JSRP1: variants seen among roughly 807,000 people sequenced by gnomAD.
The protein encoded by JSRP1 is 2310032K21Rik.
In JSRP1, 29 loss-of-function variants were observed where a neutral mutation model predicts 21.4. That is an observed-to-expected ratio of 1.36 (90% CI 1.01 to 1.85). The LOEUF (loss-of-function observed/expected upper bound fraction) is 1.85, where lower values mean the gene tolerates loss of function less well. Among genes scored for constraint, JSRP1 ranks in the 40% most tolerant of loss-of-function variants. JSRP1 has a pLI of 0.00. For missense variants in JSRP1, 531 were observed against 461.5 expected (o/e 1.15, Z -1.38); for synonymous variants, 221 against 206.1 (o/e 1.07, Z -0.62).
rs2025078072 is a variant in JSRP1 at position 2,252,748 on chromosome 19, C to T, written c.577G>A (p.Ala193Thr). 2 of 1,612,598 alleles carry T rather than the reference C, an allele frequency of 1.2e-6. No individual in the cohort carries two copies. Among genetic ancestry groups the T allele is most frequent in the South Asian group, 1.1e-5 (1 of 91,070 alleles). Residue 193 changes from alanine (A) to threonine (T), a missense_variant, in exon 7 of 7, where the codon GCC (alanine) becomes ACC (threonine). Ala to Thr is a moderately conservative substitution (Grantham distance 58). Coordinates refer to ENST00000300961, the MANE Select transcript of JSRP1 (RefSeq NM_144616.4). ...ATCTTGGGTCTGACCTCTGCCTCGG[C>T]CCGGGGCGCAGGCGGCGCTGATGGA... Reference protein sequence around the residue: ...APPSAPPAPRAEAEVRPKIPG... With the variant: ...APPSAPPAPRTEAEVRPKIPG...
At chr19:2,253,560 G>A in intron 5 of JSRP1, 60 bp downstream of exon 5, 1 of 1,367,032 alleles carries the variant, frequency 7.3e-7, no homozygotes, top group African/African-American at 1.5e-5. Context: ...CCTTTCCTTG[G>A]AGGAATAGGC....
chr19:2,252,574 G>T lies in JSRP1; in HGVS notation c.751C>A (p.Arg251=). The change falls in exon 7 of 7, where the codon CGG becomes AGG. Residue 251 remains arginine (R), a synonymous_variant. Coordinates refer to ENST00000300961, the MANE Select transcript of JSRP1 (RefSeq NM_144616.4). ...TCTTTCTTAGGTCTCTCCTCCTTCC[G>T]CGGCTTCTCCTTCCGCGGCTTCCCC... ...REGKPRKEKP[R]KEERPKKERP... The T allele has an allele frequency of 3.1e-6, 5 of 1,612,512 alleles. No homozygotes were observed. The highest frequency in any genetic ancestry group is 3.4e-6 in the Non-Finnish European group (4 of 1,179,778).
Position 2,253,726 on chromosome 19 carries a change from G to GGGCGGC in JSRP1, c.324_329dup (p.Pro110_Pro111dup), listed in dbSNP as rs747214485. 10 of 1,490,114 alleles carry GGGCGGC rather than the reference G, an allele frequency of 6.7e-6. No homozygotes were observed. The highest frequency in any genetic ancestry group is 5.6e-5 in the East Asian group (2 of 35,876). 92.3% of individuals were successfully genotyped at this position (1,490,114 alleles called of 1,614,324 possible). ...AGGGCAGCTCCTCGCTCAGGGCCGG[G>GGGCGGC]GGCGGCGGCGGCGGCTGCAGGGGCG... is the stretch of plus-strand genomic sequence containing the variant. On this transcript the variant is annotated inframe_insertion, in exon 5 of 7. Transcript: ENST00000300961.
chr19:2,256,242 TG>T (rs2025145705), intron 1 of JSRP1, 140 bp downstream of exon 1: 1 of 152,330 alleles, frequency 6.6e-6, no homozygotes, highest in Admixed American at 6.5e-5. Context: ...GGCTGGTGTG[TG>T]GCCCCTGGGT....
In JSRP1 at chr19:2,255,303, T is replaced by G. The variant is rs771441048; in HGVS notation, c.12A>C (p.Thr4=). ...CATCCAGCTCCTCCCAGGCTCTGGT[T>G]GTCATGGACATGGCTGGAGCAGCAG... MSM[T]TRAWEELDGG... is the part of the protein sequence containing the mutation. The change falls in exon 2 of 7, where the codon ACA becomes ACC. Residue 4 remains threonine (T), a synonymous_variant. Transcript: ENST00000300961. 6 of 1,609,550 alleles carry G rather than the reference T, an allele frequency of 3.7e-6. No homozygotes were observed. Among genetic ancestry groups the G allele is most frequent in the Non-Finnish European group, 5.1e-6 (6 of 1,178,062 alleles).
chr19:2,252,834 C>T (rs1478516539), intron 6 of JSRP1, 38 bp from the exon 7 acceptor site: 19 of 1,597,568 alleles, frequency 1.2e-5, no homozygotes, highest in Non-Finnish European at 1.4e-5. Context: ...AAGCGCCCAC[C>T]TTCCCCCCGG....
chr19:2,252,839 CCCCGG>C, intron 6 of JSRP1, 43 bp from the exon 7 acceptor site: 1 of 1,596,314 alleles, frequency 6.3e-7, no homozygotes, highest in Middle Eastern at 1.8e-4. Flanking sequence ...CCCACCTTCC[CCCCGG>C]CCCGGGCTCC....
chr19:2,254,822 G>A (rs563487793), intron 2 of JSRP1, among the ~76,000 whole-genome samples: 68 of 152,076 alleles, frequency 4.5e-4, no homozygotes, highest in African/African-American at 1.5e-3. Context: ...AGCCTGGGAG[G>A]TCAAGGCTGC....
chr19:2,253,869 G>T, intron 4 of JSRP1, 76 bp from the exon 5 acceptor site: 1 of 1,328,106 alleles, frequency 7.5e-7, no homozygotes, highest in Non-Finnish European at 9.7e-7. Context: ...GGGGACAAGA[G>T]ACAGGCCTGT....
Position 2,252,461 on chromosome 19 carries a change from G to C in JSRP1, c.864C>G (p.His288Gln). The C allele has an allele frequency of 6.2e-7, 1 of 1,611,648 alleles. No homozygotes were observed. The highest frequency in any genetic ancestry group is 8.5e-7 in the Non-Finnish European group (1 of 1,179,718). ...CCCTGGAGTCCCGTGCCCACGGCCG[G>C]TGGCCCCCTTCGCGTGACTCCCAGC... ...PQRWESREGG[H>Q]RPWARDSRDA... Residue 288 changes from histidine to glutamine, a missense_variant, in exon 7 of 7, where the codon CAC (histidine) becomes CAG (glutamine). Physicochemically the swap from His to Gln is conservative, Grantham distance 24. Transcript: ENST00000300961.
rs2025073975 is a variant in JSRP1, at chr19:2,252,614, C to T, written c.711G>A (p.Glu237=). 1 of 1,612,568 alleles carries T rather than the reference C, an allele frequency of 6.2e-7. No homozygotes were observed. The highest frequency in any genetic ancestry group is 1.3e-5 in the African/African-American group (1 of 74,922). Residue 237 remains glutamate, a synonymous_variant, in exon 7 of 7, where the codon GAG becomes GAA. Coordinates refer to ENST00000300961, the MANE Select transcript of JSRP1 (RefSeq NM_144616.4). ...RVTLADRGPK[E]RPRREGKPRK... ...GCGGCTTCCCCTCTCTCCGAGGCCT[C>T]TCCTTGGGTCCCCGGTCTGCGAGGG...
In JSRP1 at chr19:2,255,241, G is replaced by T. The variant is rs753505077; in HGVS notation, c.74C>A (p.Ser25Tyr). ...GTCCTCCTGGGTCTCGGCCAGCGCAGAGTGGTCCTCCAGGGCCTGGCAGCT... is the reference window on the plus strand; with the variant it reads ...GTCCTCCTGGGTCTCGGCCAGCGCATAGTGGTCCTCCAGGGCCTGGCAGCT... The part of the protein sequence containing the change: ...LGSCQALEDH[S>Y]ALAETQEDRA... Residue 25 changes from serine to tyrosine, a missense_variant, in exon 2 of 7, where the codon TCT becomes TAT. Physicochemically the swap from Ser to Tyr is moderately radical, Grantham distance 144. Coordinates refer to ENST00000300961, the MANE Select transcript of JSRP1 (RefSeq NM_144616.4). The T allele has an allele frequency of 3.7e-6, 6 of 1,611,650 alleles. No homozygotes were observed. In the Admixed American group the frequency reaches 1.0e-4, roughly 27 times the overall value.
Position 2,252,926 on chromosome 19 carries a change from G to T in JSRP1, c.514C>A (p.Pro172Thr), listed in dbSNP as rs1297601682. 6.2e-7 allele frequency: 1 copy of T among 1,609,556 alleles called. No homozygotes were observed. Among genetic ancestry groups the T allele is most frequent in the East Asian group, 2.2e-5 (1 of 44,740 alleles). Residue 172 changes from proline to threonine, a missense_variant, in exon 6 of 7, where the codon CCA becomes ACA. Pro to Thr is a conservative substitution (Grantham distance 38). Coordinates refer to ENST00000300961, the MANE Select transcript of JSRP1 (RefSeq NM_144616.4). ...GAAGCTCTTACCAGGGGCGACGATG[G>T]CTCCCTCGGGGCTGAGCTTGGCGGG... ...WVPPSSAPRE[P>T]SSPLPKFEAQ...
At chr19:2,256,197 C>T (rs1028656712) in intron 1 of JSRP1, among the ~76,000 whole-genome samples, 186 bp downstream of exon 1, 7 of 152,132 alleles carry the variant, frequency 4.6e-5, no homozygotes, top group African/African-American at 7.2e-5. Flanking sequence ...GGGCCTATTG[C>T]GTGGCAGTGG....
rs1383322485 is a variant in JSRP1, at chr19:2,253,799, G to C, written c.263-6C>G. On this transcript the variant is annotated splice_region_variant and splice_polypyrimidine_tract_variant and intron_variant, in intron 4 of 6. Coordinates refer to ENST00000300961, the MANE Select transcript of JSRP1 (RefSeq NM_144616.4). ...CGCGGGGACGCTCCGAGGGCCTGCG[G>C]GGGCAAGTGCGCGCTGCGCTGTGGT... 1.4e-6 allele frequency: 2 copies of C among 1,383,632 alleles called. No individual in the cohort carries two copies. The highest frequency in any genetic ancestry group is 3.1e-5 in the African/African-American group (2 of 65,114). The allele number at this position is 1,383,632 out of a possible 1,614,324, so 85.7% of individuals were successfully genotyped here.
intron 1 of JSRP1, among the ~76,000 whole-genome samples, chr19:2,256,036 A>G (rs977299472): frequency 9.2e-5 from 14 of 152,304 alleles, no homozygotes; most frequent in African/African-American, 3.1e-4. Flanking sequence ...GAGGCTAGAG[A>G]CAGTGCCATT....
chr19:2,253,745 A>AG lies in JSRP1; in HGVS notation c.310dup (p.Leu104ProfsTer75). On this transcript the variant is annotated frameshift_variant, in exon 5 of 7. Transcript: ENST00000300961. LOFTEE classifies it high-confidence loss of function. ...GGCCGGGGGCGGCGGCGGCGGCTGC[A>AG]GGGGCGGCGCGGTCTGCGCCTTCTT... 1.3e-6 allele frequency: 2 copies of AG among 1,482,676 alleles called. No individual in the cohort carries two copies. The highest frequency in any genetic ancestry group is 4.6e-4 in the Middle Eastern group (2 of 4,326). 91.8% of individuals were successfully genotyped at this position (1,482,676 alleles called of 1,614,324 possible).
chr19:2,254,276 C>T lies in JSRP1; in HGVS notation c.173G>A (p.Ser58Asn), dbSNP rs2025115703. 1 of 1,602,734 alleles carries T rather than the reference C, an allele frequency of 6.2e-7. No individual in the cohort carries two copies. Among genetic ancestry groups the T allele is most frequent in the Non-Finnish European group, 8.5e-7 (1 of 1,173,194 alleles). Residue 58 changes from serine to asparagine, a missense_variant, in exon 4 of 7, where the codon AGT (serine) becomes AAT (asparagine). Coordinates refer to ENST00000300961, the MANE Select transcript of JSRP1 (RefSeq NM_144616.4). Reference sequence around the variant, plus strand: ...CATCTTCTTGGGCCTGGTGTCCACACTGGGGCCTTCAGCCACCTGAGAGTC... The same window carrying T: ...CATCTTCTTGGGCCTGGTGTCCACATTGGGGCCTTCAGCCACCTGAGAGTC... The part of the protein sequence containing the change: ...PHDSQVAEGP[S>N]VDTRPKKMEK...
rs892032532 is a variant in JSRP1, at chr19:2,254,288, G to A, written c.161C>T (p.Ala54Val). The A allele has an allele frequency of 6.2e-7, 1 of 1,600,112 alleles. No individual in the cohort carries two copies. The highest frequency in any genetic ancestry group is 8.5e-7 in the Non-Finnish European group (1 of 1,171,528). ...CCTGGTGTCCACACTGGGGCCTTCA[G>A]CCACCTGAGAGTCCTGTGGTTATCA... ...SGSVPHDSQV[A>V]EGPSVDTRPK... The change falls in exon 4 of 7, where the codon GCT (alanine) becomes GTT (valine). Residue 54 changes from alanine to valine, a missense_variant. Coordinates refer to ENST00000300961, the MANE Select transcript of JSRP1 (RefSeq NM_144616.4).
Sources: gnomAD v4.1 joint callset for allele counts (sites outside exome capture counted in the v4.1 genomes callset) on GRCh38, gnomAD v4.1.1 for gene constraint, MANE v1.5 for transcripts, NCBI Gene and HGNC (gene_info 2026-07-23, HGNC 2026-07-21) for gene names.